TIA1: variants seen among roughly 807,000 people sequenced by gnomAD.
TIA1 encodes the protein TIA1 cytotoxic granule associated RNA binding protein.
In TIA1, 23 loss-of-function variants were observed where a neutral mutation model predicts 65.9. That is an observed-to-expected ratio of 0.35 (90% CI 0.25 to 0.49). The LOEUF (loss-of-function observed/expected upper bound fraction) is 0.49. TIA1 is among the 20% of genes least tolerant of loss of function. TIA1 has a pLI of 0.98. For synonymous variants in TIA1, 147 were observed against 149.4 expected, an observed-to-expected ratio of 0.98 and a Z score of 0.12; for missense variants, 371 against 477.9, an observed-to-expected ratio of 0.78 and a Z score of 2.09.
intron 2 of TIA1, among the ~76,000 whole-genome samples, chr2:70,232,401 G>A (rs1241276798): frequency 2.0e-5 from 3 of 147,944 alleles, no homozygotes; most frequent in Non-Finnish European, 4.5e-5. Flanking sequence ...TTAGCCGGGC[G>A]TGGTGGTGCA....
intron 7 of TIA1, among the ~76,000 whole-genome samples, chr2:70,221,798 A>AAT (rs543005779): frequency 6.7e-6 from 1 of 149,398 alleles, no homozygotes; most frequent in Non-Finnish European, 1.5e-5. Context: ...TAAAAAAAAA[A>AAT]TTTTTTTTTT....
chr2:70,232,208 CAAA>C (rs11427986), intron 2 of TIA1, among the ~76,000 whole-genome samples: 3 of 63,914 alleles, frequency 4.7e-5, no homozygotes, highest in Admixed American at 2.0e-4. Flanking sequence ...GACTCTGTCT[CAAA>C]AAAAAAAAAA....
intron 6 of TIA1, among the ~76,000 whole-genome samples, chr2:70,227,115 T>C (rs1684139942): frequency 6.6e-6 from 1 of 152,186 alleles, no homozygotes; most frequent in South Asian, 2.1e-4. Flanking sequence ...TACTCTAATA[T>C]GGCATGCTTT....
chr2:70,247,523 C>G (rs1054593898), intron 1 of TIA1, among the ~76,000 whole-genome samples: 1 of 152,060 alleles, frequency 6.6e-6, no homozygotes, highest in South Asian at 2.1e-4. Context: ...CCGAGAAATG[C>G]CAACAAAGGC....
intron 1 of TIA1, among the ~76,000 whole-genome samples, chr2:70,244,924 G>C (rs1472410365): frequency 6.6e-6 from 1 of 151,726 alleles, no homozygotes; most frequent in African/African-American, 2.4e-5. Context: ...ACTATTTGGA[G>C]AGTGGAGTAG....
At chr2:70,223,703 T>C (rs939080055) in intron 7 of TIA1, among the ~76,000 whole-genome samples, 14 of 150,952 alleles carry the variant, frequency 9.3e-5, no homozygotes, top group African/African-American at 3.4e-4. Flanking sequence ...TGTGAGCCAC[T>C]GGGCTCGGCT....
intron 2 of TIA1, among the ~76,000 whole-genome samples, chr2:70,231,554 C>T (rs1191432564): frequency 6.6e-6 from 1 of 152,106 alleles, no homozygotes; most frequent in Non-Finnish European, 1.5e-5. Flanking sequence ...GACTAGGTAT[C>T]CTAACTGGAT....
At chr2:70,236,325 G>A (rs372164153) in intron 1 of TIA1, 150 bp from the exon 2 acceptor site, 6 of 522,904 alleles carry the variant, frequency 1.1e-5, no homozygotes, top group Non-Finnish European at 2.0e-5. Context: ...CAGCCTCCCC[G>A]AGTAGCTGGG....
intron 7 of TIA1, among the ~76,000 whole-genome samples, chr2:70,218,517 C>T (rs553449021): frequency 6.6e-5 from 10 of 152,112 alleles, no homozygotes; most frequent in Non-Finnish European, 1.2e-4. Context: ...CTGCAAGCTC[C>T]GCCTCCTGGG....
At chr2:70,240,361 T>C (rs1691112801) in intron 1 of TIA1, among the ~76,000 whole-genome samples, 1 of 152,236 alleles carries the variant, frequency 6.6e-6, no homozygotes, top group Admixed American at 6.5e-5. Context: ...TGAATCCAGA[T>C]GTGGGACACT....
intron 11 of TIA1, among the ~76,000 whole-genome samples, chr2:70,214,853 A>G (rs545286076): frequency 6.6e-6 from 1 of 152,276 alleles, no homozygotes; most frequent in Non-Finnish European, 1.5e-5. Flanking sequence ...TTATTTCTAT[A>G]TTCAGCTTAC....
intron 7 of TIA1, among the ~76,000 whole-genome samples, chr2:70,220,418 A>C (rs1680755439): frequency 6.6e-6 from 1 of 152,100 alleles, no homozygotes; most frequent in Non-Finnish European, 1.5e-5. Flanking sequence ...CGAAAAAAAA[A>C]GATGATGATT....
intron 7 of TIA1, among the ~76,000 whole-genome samples, chr2:70,218,619 G>A (rs1328333834): frequency 6.6e-6 from 1 of 152,010 alleles, no homozygotes; most frequent in Non-Finnish European, 1.5e-5. Flanking sequence ...TTTTTTAGTA[G>A]AGACAGGGTT....
chr2:70,236,824 T>C (rs1573680193), intron 1 of TIA1, among the ~76,000 whole-genome samples: 2 of 152,002 alleles, frequency 1.3e-5, no homozygotes, highest in African/African-American at 4.8e-5. Context: ...AGAAGGCGTT[T>C]CACCATGTTG....
At chr2:70,229,646 T>C (rs1340152479) in intron 3 of TIA1, among the ~76,000 whole-genome samples, 1 of 152,118 alleles carries the variant, frequency 6.6e-6, no homozygotes, top group Non-Finnish European at 1.5e-5. Context: ...CAATCCACCA[T>C]GGAAAATACT....
At chr2:70,230,712 A>C (rs1181088344) in intron 3 of TIA1, 44 bp downstream of exon 3, 1 of 1,433,660 alleles carries the variant, frequency 7.0e-7, no homozygotes, top group Non-Finnish European at 9.5e-7. Context: ...ATATAACTTA[A>C]ATTTTTTCAG....
intron 3 of TIA1, 82 bp from the exon 4 acceptor site, chr2:70,229,400 A>T: frequency 8.3e-7 from 1 of 1,202,364 alleles, no homozygotes; most frequent in Admixed American, 2.1e-5. Context: ...ACATAGGAAG[A>T]TATCTGTTTA....
chr2:70,248,329 G>A (rs770668391), intron 1 of TIA1, 76 bp downstream of exon 1: 6 of 1,509,750 alleles, frequency 4.0e-6, no homozygotes, highest in Non-Finnish European at 5.3e-6. Context: ...ACAATAGGCT[G>A]GGAGCGGCGC....
rs1573117391 is a variant in TIA1, at chr2:70,212,609, A to G, written c.*110T>C. 2.1e-5 allele frequency: 13 copies of G among 625,020 alleles called. No homozygotes were observed. In the East Asian group the frequency reaches 3.4e-4, roughly 16 times the overall value. The allele number at this position is 625,020 out of a possible 1,614,324, so 38.7% of individuals were successfully genotyped here. A position where few individuals can be genotyped will look rare whatever the true frequency, so the allele number is the denominator to read the frequency against. Reference sequence around the variant, plus strand: ...AAAAATGAATCTTTTAAATAAATACATTGTATCTGACATTTGCACTGACTG... The same window carrying G: ...AAAAATGAATCTTTTAAATAAATACGTTGTATCTGACATTTGCACTGACTG... On this transcript the variant is annotated 3_prime_UTR_variant, in exon 13 of 13. Coordinates refer to ENST00000433529, the MANE Select transcript of TIA1 (RefSeq NM_022173.4).
Sources: allele counts gnomAD v4.1 joint callset (sites outside exome capture counted in the v4.1 genomes callset), GRCh38; gene constraint gnomAD v4.1.1; transcripts MANE v1.5; gene names NCBI Gene and HGNC (gene_info 2026-07-23, HGNC 2026-07-21).